SHANK2: variants seen among roughly 807,000 people sequenced by gnomAD.
The protein encoded by SHANK2 is SH3 and multiple ankyrin repeat domains 2, also known as SH3 and multiple ankyrin repeat domains protein 2.
Under a neutral mutation model 133.7 loss-of-function variants are expected in SHANK2, and 43 were observed. The observed-to-expected ratio is 0.32, with a 90% CI of 0.25 to 0.41. The LOEUF (loss-of-function observed/expected upper bound fraction) is 0.41, where lower values mean the gene tolerates loss of function less well. Ranked by LOEUF, SHANK2 falls within the 10% of genes least tolerant of loss-of-function variation. SHANK2 has a pLI of 1.00. For missense variants in SHANK2, 1,994 were observed against 2,235.8 expected (o/e 0.89, Z 2.18); for synonymous variants, 1,017 against 952.8 (o/e 1.07, Z -1.24).
At chr11:70,572,967 G>A (rs752004852) in intron 17 of SHANK2, among the ~76,000 whole-genome samples, 8 of 152,164 alleles carry the variant, frequency 5.3e-5, no homozygotes, top group Admixed American at 1.3e-4. Context: ...AACTTTATGC[G>A]TGGTAGGTCG....
At chr11:71,160,929 A>G (rs1348237129) in intron 2 of SHANK2, among the ~76,000 whole-genome samples, 1 of 152,252 alleles carries the variant, frequency 6.6e-6, no homozygotes, top group Non-Finnish European at 1.5e-5. Flanking sequence ...GGCTTCCAAT[A>G]GAAACCAGTT....
rs2135570079 is a variant in SHANK2, at chr11:71,188,195, C to T, written c.-13+36502G>A. ...TCCTGAGACCTGGTGATCTTGCCAC[C>T]TCCATCTCTCTCACATCCTGCTGAG... On this transcript the variant is annotated intron_variant, in intron 2 of 25. Coordinates refer to ENST00000601538, the MANE Select transcript of SHANK2 (RefSeq NM_012309.5). This position sits in a 1 kb window ranked among gnomAD's most constrained non-coding sequence, Gnocchi z 4.6. 6.6e-6 allele frequency among the ~76,000 whole-genome samples: 1 copy of T among 152,316 alleles called. No individual in the cohort carries two copies. The highest frequency in any genetic ancestry group is 2.1e-4 in the South Asian group (1 of 4,826).
In SHANK2 at chr11:70,692,852, C is replaced by T. The variant is rs147979390; in HGVS notation, c.1853+5836G>A. On this transcript the variant is annotated intron_variant, in intron 15 of 25. Transcript: ENST00000601538. Reference sequence around the variant, plus strand: ...GGCATACTTTGCCATCCTTCTAATTCGCTCTCTAAGAGAAAACTGGTTTTC... The same window carrying T: ...GGCATACTTTGCCATCCTTCTAATTTGCTCTCTAAGAGAAAACTGGTTTTC... 8.8e-4 allele frequency among the ~76,000 whole-genome samples: 134 copies of T among 152,318 alleles called. 1 individual carries two copies. The highest frequency in any genetic ancestry group is 4.5e-3 in the Admixed American group (69 of 15,304).
intron 14 of SHANK2, among the ~76,000 whole-genome samples, chr11:70,701,256 G>A (rs1370936541): frequency 3.3e-5 from 5 of 152,178 alleles, no homozygotes; most frequent in Admixed American, 2.6e-4. Context: ...GTGTGTCCCA[G>A]ACTGGAGTTT....
intron 17 of SHANK2, among the ~76,000 whole-genome samples, chr11:70,598,156 G>A (rs1451086938): frequency 1.3e-5 from 2 of 152,202 alleles, no homozygotes; most frequent in Admixed American, 6.5e-5. Context: ...GTCCCATAGA[G>A]GGGCAGATGG....
chr11:70,562,159 A>T (rs2059914842), intron 17 of SHANK2, among the ~76,000 whole-genome samples: 1 of 152,238 alleles, frequency 6.6e-6, no homozygotes, highest in Admixed American at 6.5e-5. Flanking sequence ...GTTAGAGCTC[A>T]CATCTGTATG....
intron 17 of SHANK2, among the ~76,000 whole-genome samples, chr11:70,539,169 G>A (rs375599205): frequency 1.6e-4 from 25 of 152,166 alleles, no homozygotes; most frequent in African/African-American, 5.8e-4. Context: ...TGCACACAGA[G>A]GGAGAGGCCG....
At position 70,485,433 on chromosome 11, in the gene SHANK2, C is replaced by T. The variant is rs1411062849; in HGVS notation, c.4860G>A (p.Lys1620=). 4 of 1,613,888 alleles carry T rather than the reference C, an allele frequency of 2.5e-6. No individual in the cohort carries two copies. In the Admixed American group the frequency reaches 5.0e-5, roughly 20 times the overall value. The change falls in exon 25 of 26, where the codon AAG becomes AAA. Residue 1620 remains lysine (K), a synonymous_variant. Transcript: ENST00000601538. This position sits in a 1 kb window ranked among gnomAD's most constrained non-coding sequence, Gnocchi z 5.8. ...EIKSPILSGP[K]ANVISELNSI... The stretch of plus-strand genomic sequence containing the variant: ...AGTTCAATTCACTAATAACGTTTGC[C>T]TTTGGGCCTGAGAGAATCGGGCTTT...
intron 14 of SHANK2, among the ~76,000 whole-genome samples, chr11:70,747,813 TCCA>T (rs1342630318): frequency 2.0e-5 from 3 of 152,222 alleles, no homozygotes; most frequent in Non-Finnish European, 4.4e-5. Flanking sequence ...TTTGTGAGTG[TCCA>T]CGTGTGCATG....
At chr11:71,117,764 G>A (rs764522763) in intron 4 of SHANK2, among the ~76,000 whole-genome samples, 8 of 152,170 alleles carry the variant, frequency 5.3e-5, no homozygotes, top group African/African-American at 9.7e-5. Flanking sequence ...TCCCGACGTC[G>A]CCTAGTGCAC....
At chr11:70,620,793 C>G (rs1222180105) in intron 17 of SHANK2, among the ~76,000 whole-genome samples, 1 of 152,156 alleles carries the variant, frequency 6.6e-6, no homozygotes, top group Non-Finnish European at 1.5e-5. Flanking sequence ...CACACACACT[C>G]TCTCTCTCTC....
chr11:71,204,093 C>A (rs1218434827), intron 2 of SHANK2, among the ~76,000 whole-genome samples: 1 of 152,172 alleles, frequency 6.6e-6, no homozygotes, highest in East Asian at 1.9e-4. Context: ...AATCAGTGAA[C>A]CTGGATGGGG....
At chr11:70,896,408 T>C in intron 11 of SHANK2, 93 bp downstream of exon 11, 3 of 633,426 alleles carry the variant, frequency 4.7e-6, no homozygotes, top group Non-Finnish European at 2.9e-6. Flanking sequence ...TCTAAACCAA[T>C]CTTAGGAGAA....
Position 71,159,529 on chromosome 11 carries a change from C to T in SHANK2, c.-12-12191G>A, listed in dbSNP as rs117564156. Among the ~76,000 whole-genome samples the T allele has an allele frequency of 1.1e-3, 162 of 152,222 alleles. 1 individual carries two copies. In the East Asian group the frequency reaches 0.026, roughly 24 times the overall value. ...ACTAGAACCTGAATATCTTTGGGGG[C>T]CATTAATTAGCCAGCCACAAATATG... On this transcript the variant is annotated intron_variant, in intron 2 of 25. Transcript: ENST00000601538.
At chr11:71,072,096 G>T (rs1951150149) in intron 9 of SHANK2, among the ~76,000 whole-genome samples, 1 of 152,188 alleles carries the variant, frequency 6.6e-6, no homozygotes, top group African/African-American at 2.4e-5. Context: ...TCCTTCAATA[G>T]TGATGTCCAG....
At chr11:70,695,177 C>A (rs898100673) in intron 15 of SHANK2, among the ~76,000 whole-genome samples, 1 of 152,008 alleles carries the variant, frequency 6.6e-6, no homozygotes, top group African/African-American at 2.4e-5. Context: ...GGGGAGTTTG[C>A]GTTAATGCAG....
At chr11:70,757,476 A>G (rs1946899730) in intron 14 of SHANK2, among the ~76,000 whole-genome samples, 2 of 152,254 alleles carry the variant, frequency 1.3e-5, no homozygotes, top group Non-Finnish European at 2.9e-5. Context: ...AGCAGCTCCC[A>G]TGGCGTGTTG....
chr11:70,950,376 C>A (rs188505660), intron 10 of SHANK2, among the ~76,000 whole-genome samples: 1 of 152,018 alleles, frequency 6.6e-6, no homozygotes, highest in East Asian at 1.9e-4. Flanking sequence ...TTTTTAGTAG[C>A]GACAGGGTAT....
intron 8 of SHANK2, among the ~76,000 whole-genome samples, chr11:71,078,470 G>C (rs1951249315): frequency 6.6e-6 from 1 of 152,160 alleles, no homozygotes; most frequent in Admixed American, 6.5e-5. Context: ...TGCCAAAACT[G>C]TCAGGTGAAA....
Sources: allele counts gnomAD v4.1 joint callset (sites outside exome capture counted in the v4.1 genomes callset), GRCh38; gene constraint gnomAD v4.1.1; non-coding constraint Gnocchi (gnomAD v3.1); transcripts MANE v1.5; gene names NCBI Gene and HGNC (gene_info 2026-07-23, HGNC 2026-07-21).